Variants in HHIPL1 observed in about 807,000 individuals in gnomAD.
HHIPL1 encodes HHIP-like protein 1.
HHIPL1 carries 43 observed loss-of-function variants against 61.8 expected under a neutral mutation model. The ratio of observed to expected loss-of-function variants is 0.70; its 90% CI spans 0.55 to 0.90. The LOEUF (loss-of-function observed/expected upper bound fraction) is 0.90, where lower values mean the gene tolerates loss of function less well. Ranked by LOEUF, HHIPL1 falls within the 40% of genes least tolerant of loss-of-function variation. The pLI is 0.00. For missense variants in HHIPL1, 1,056 were observed against 1,157.7 expected (o/e 0.91, Z 1.28); for synonymous variants, 482 against 515.8 (o/e 0.93, Z 0.89).
At chr14:99,666,058 A>C (rs1390367095) in intron 6 of HHIPL1, among the ~76,000 whole-genome samples, 1 of 152,262 alleles carries the variant, frequency 6.6e-6, no homozygotes, top group African/African-American at 2.4e-5. Context: ...CTGGGATTAC[A>C]GGCGTCAGCC....
chr14:99,657,692 CAT>C (rs1049561781), intron 3 of HHIPL1, among the ~76,000 whole-genome samples: 8 of 152,082 alleles, frequency 5.3e-5, no homozygotes, highest in African/African-American at 1.4e-4. Context: ...CACACACACA[CAT>C]ACACAAATAT....
At position 99,660,898 on chromosome 14, in the gene HHIPL1, C is replaced by T. The variant is rs866193096; in HGVS notation, c.1502+492C>T. Among the ~76,000 whole-genome samples the T allele has an allele frequency of 6.6e-6, 1 of 152,308 alleles. No individual in the cohort carries two copies. The highest frequency in any genetic ancestry group is 1.9e-4 in the East Asian group (1 of 5,186). Reference sequence around the variant, plus strand: ...TTGCAAAGGTTGAGAAACTAAGACCCGAGAGAACAGTGGCTGCCCATGGGC... The same window carrying T: ...TTGCAAAGGTTGAGAAACTAAGACCTGAGAGAACAGTGGCTGCCCATGGGC... On this transcript the variant is annotated intron_variant, in intron 5 of 8. Coordinates refer to ENST00000330710, the MANE Select transcript of HHIPL1 (RefSeq NM_001127258.3). The surrounding 1 kb of genome is among the most constrained non-coding windows in gnomAD (Gnocchi z 4.9).
chr14:99,656,648 C>T (rs2056032012), intron 2 of HHIPL1, among the ~76,000 whole-genome samples: 1 of 151,468 alleles, frequency 6.6e-6, no homozygotes, highest in Non-Finnish European at 1.5e-5. Flanking sequence ...TGGTGGCGGG[C>T]ACCTGTGATC....
chr14:99,634,996 C>T, the HHIPL1 span, among the ~76,000 whole-genome samples: 3 of 152,180 alleles, frequency 2.0e-5, no homozygotes, highest in Admixed American at 6.5e-5. Flanking sequence ...TGTGTCCCTA[C>T]CCCCAGTCAC....
In HHIPL1 at chr14:99,659,301, C is replaced by A. The variant is rs540321948; in HGVS notation, c.1047-127C>A. 8.1e-5 allele frequency: 55 copies of A among 677,810 alleles called. No homozygotes were observed. In the South Asian group the frequency reaches 1.3e-3, roughly 16 times the overall value. The allele number at this position is 677,810 out of a possible 1,614,324, so 42.0% of individuals were successfully genotyped here. A position where few individuals can be genotyped will look rare whatever the true frequency, so the allele number is the denominator to read the frequency against. ...CGGACAGCATCCCAGGGTCTCTGGC[C>A]CCACAGCCTAGGCTCACCCTGCACC... On this transcript the variant is annotated intron_variant, in intron 3 of 8. Coordinates refer to ENST00000330710, the MANE Select transcript of HHIPL1 (RefSeq NM_001127258.3).
Position 99,660,714 on chromosome 14 carries a change from G to C in HHIPL1, c.1502+308G>C, listed in dbSNP as rs1166597914. On this transcript the variant is annotated intron_variant, in intron 5 of 8. Coordinates refer to ENST00000330710, the MANE Select transcript of HHIPL1 (RefSeq NM_001127258.3). The surrounding 1 kb of genome is among the most constrained non-coding windows in gnomAD (Gnocchi z 4.9). ...CCCTCCTGAGAACCATGGGCTCTGG[G>C]CCTGACAGCAGTTCTGATGGGCAGG... 6.6e-6 allele frequency among the ~76,000 whole-genome samples: 1 copy of C among 152,198 alleles called. No individual in the cohort carries two copies. Among genetic ancestry groups the C allele is most frequent in the African/African-American group, 2.4e-5 (1 of 41,442 alleles).
intron 1 of HHIPL1, among the ~76,000 whole-genome samples, chr14:99,649,146 A>T (rs887894473): frequency 6.6e-6 from 1 of 152,190 alleles, no homozygotes; most frequent in Non-Finnish European, 1.5e-5. Context: ...GTGTGTAAGT[A>T]AGAGTACATA....
chr14:99,673,655 G>C (rs1595172171), intron 8 of HHIPL1, among the ~76,000 whole-genome samples: 1 of 20,706 alleles, frequency 4.8e-5, no homozygotes. Flanking sequence ...GGCATGGAGG[G>C]GGGGTGCACT....
chr14:99,629,881 A>G, the HHIPL1 span, among the ~76,000 whole-genome samples: 9 of 152,366 alleles, frequency 5.9e-5, no homozygotes, highest in South Asian at 1.9e-3. Context: ...ATAGACTCAT[A>G]GGCTCAGGGA....
intron 8 of HHIPL1, among the ~76,000 whole-genome samples, chr14:99,672,617 A>G (rs183490627): frequency 1.4e-4 from 21 of 152,286 alleles, no homozygotes; most frequent in African/African-American, 5.1e-4. Flanking sequence ...AATTCCTTAA[A>G]CCAAGAGAGA....
chr14:99,652,171 T>C, intron 1 of HHIPL1, 53 bp from the exon 2 acceptor site: 1 of 1,518,630 alleles, frequency 6.6e-7, no homozygotes, highest in Non-Finnish European at 8.8e-7. Flanking sequence ...AAGGTAACCT[T>C]GGGCTGGTAA....
chr14:99,665,230 C>T (rs1369600732), intron 6 of HHIPL1, among the ~76,000 whole-genome samples: 2 of 152,096 alleles, frequency 1.3e-5, no homozygotes, highest in African/African-American at 4.8e-5. Context: ...CATTTTTATG[C>T]TCAGGTGCAG....
In HHIPL1 at chr14:99,660,138, GCTGTGGGC is replaced by G; in HGVS notation, c.1376-141_1376-134del. 1.0e-5 allele frequency: 7 copies of G among 686,368 alleles called. No individual in the cohort carries two copies. Among genetic ancestry groups the G allele is most frequent in the South Asian group, 5.1e-5 (2 of 38,972 alleles). The allele number at this position is 686,368 out of a possible 1,614,324, so 42.5% of individuals were successfully genotyped here. On this transcript the variant is annotated intron_variant, in intron 4 of 8. Coordinates refer to ENST00000330710, the MANE Select transcript of HHIPL1 (RefSeq NM_001127258.3). The surrounding 1 kb of genome is among the most constrained non-coding windows in gnomAD (Gnocchi z 4.9). ...ACACGCTTTCCACCACGCCAGCCCT[GCTGTGGGC>G]ACGCCAGCCCTGCTGTGGGCACGCC...
the HHIPL1 span, among the ~76,000 whole-genome samples, chr14:99,624,539 C>T: frequency 4.6e-5 from 7 of 152,202 alleles, no homozygotes; most frequent in East Asian, 1.9e-4. Context: ...ACCTCTTCTC[C>T]GACCTTGACA....
the HHIPL1 span, among the ~76,000 whole-genome samples, chr14:99,614,508 A>G: frequency 1.4e-4 from 22 of 152,134 alleles, no homozygotes; most frequent in Non-Finnish European, 2.8e-4. Context: ...CACCCTTAGA[A>G]TCACCGGAAA....
intron 7 of HHIPL1, among the ~76,000 whole-genome samples, chr14:99,670,239 G>A (rs2056312560): frequency 6.6e-6 from 1 of 152,000 alleles, no homozygotes; most frequent in African/African-American, 2.4e-5. Context: ...AGCCTCCCGA[G>A]TAGCTGGGAC....
chr14:99,670,027 C>T (rs2056308845), intron 7 of HHIPL1, among the ~76,000 whole-genome samples: 3 of 152,188 alleles, frequency 2.0e-5, no homozygotes, highest in African/African-American at 7.2e-5. Flanking sequence ...TTATGAACAC[C>T]TCACATTACC....
At chr14:99,622,249 C>T in the HHIPL1 span, among the ~76,000 whole-genome samples, 1 of 152,322 alleles carries the variant, frequency 6.6e-6, no homozygotes, top group Non-Finnish European at 1.5e-5. Context: ...TGGCTCCATC[C>T]AGACTCGATT....
the HHIPL1 span, among the ~76,000 whole-genome samples, chr14:99,634,060 G>A: frequency 1.3e-5 from 2 of 152,210 alleles, no homozygotes; most frequent in South Asian, 4.1e-4. Flanking sequence ...AGGAAAGGGA[G>A]GCTGCAGAGC....
Sources: gnomAD v4.1 joint callset for allele counts (sites outside exome capture counted in the v4.1 genomes callset) on GRCh38, gnomAD v4.1.1 for gene constraint, Gnocchi (gnomAD v3.1) non-coding constraint, MANE v1.5 for transcripts, NCBI Gene and HGNC (gene_info 2026-07-23, HGNC 2026-07-21) for gene names.